Variants in MFSD8 observed in about 807,000 individuals in gnomAD.
MFSD8 encodes the protein major facilitator superfamily domain-containing protein 8.
In MFSD8, 55 loss-of-function variants were observed where a neutral mutation model predicts 66.4. That is an observed-to-expected ratio of 0.83 (90% CI 0.67 to 1.04). MFSD8 has a LOEUF of 1.04. MFSD8 is among the 50% of genes least tolerant of loss of function. MFSD8 has a pLI of 0.00. For synonymous variants in MFSD8, 202 were observed against 212.8 expected, an observed-to-expected ratio of 0.95 and a Z score of 0.44; for missense variants, 550 against 627.6, an observed-to-expected ratio of 0.88 and a Z score of 1.32.
rs752714009 is a variant in MFSD8 at position 127,965,138 on chromosome 4, A to T, written c.-5T>A. 2.5e-6 allele frequency: 4 copies of T among 1,613,784 alleles called. No homozygotes were observed. On this transcript the variant is annotated 5_prime_UTR_variant, in exon 1 of 12. Transcript: ENST00000641686. ...TTCGTTCCGCAGGCCGGCCATAGTTACACTCCCTACAAGGCGTCTTGCGCC... is the reference window on the plus strand; with the variant it reads ...TTCGTTCCGCAGGCCGGCCATAGTTTCACTCCCTACAAGGCGTCTTGCGCC...
At chr4:127,953,543 GTTTTTTTTTTTTTTTTT>G (rs952826538) in intron 2 of MFSD8, among the ~76,000 whole-genome samples, 4 of 67,044 alleles carry the variant, frequency 6.0e-5, no homozygotes, top group Non-Finnish European at 8.6e-5. Context: ...AAGGCATTCT[GTTTTTTTTTTTTTTTTT>G]TTTTTTTTTT....
chr4:127,957,210 A>T (rs1743032813), intron 2 of MFSD8, among the ~76,000 whole-genome samples: 1 of 152,218 alleles, frequency 6.6e-6, no homozygotes. Context: ...AGAATAGTCA[A>T]ATTCCAAGAA....
intron 1 of MFSD8, among the ~76,000 whole-genome samples, chr4:127,963,681 C>T (rs963350487): frequency 6.6e-6 from 1 of 152,154 alleles, no homozygotes; most frequent in African/African-American, 2.4e-5. Context: ...GTGAGTGTTA[C>T]GGCTCATAAA....
chr4:127,942,194 A>C, intron 4 of MFSD8, 36 bp from the exon 5 acceptor site: 1 of 1,490,548 alleles, frequency 6.7e-7, no homozygotes, highest in Non-Finnish European at 9.4e-7. Context: ...AAGTAAAAGA[A>C]AGTATCATTC....
chr4:127,947,580 A>G (rs1255299523), intron 3 of MFSD8, among the ~76,000 whole-genome samples: 1 of 150,824 alleles, frequency 6.6e-6, no homozygotes, highest in East Asian at 1.9e-4. Flanking sequence ...TCCATTGCAA[A>G]AAAAAAAAAA....
At chr4:127,965,428 C>G, upstream of MFSD8, 1 of 550,758 alleles carries the variant, frequency 1.8e-6, no homozygotes, top group Non-Finnish European at 3.3e-6. Context: ...CGCCCTGCTC[C>G]GGGTTTGTCT....
intron 9 of MFSD8, among the ~76,000 whole-genome samples, chr4:127,925,588 A>G (rs990532538): frequency 1.3e-5 from 2 of 152,218 alleles, no homozygotes; most frequent in African/African-American, 4.8e-5. Context: ...GTCGGGGAAC[A>G]ACAGATGCTG....
intron 6 of MFSD8, 47 bp downstream of exon 6, chr4:127,939,806 A>T: frequency 1.3e-6 from 2 of 1,560,232 alleles, no homozygotes; most frequent in Non-Finnish European, 1.8e-6. Context: ...AAAGCTCATT[A>T]AATTTCACAA....
chr4:127,964,819 G>C, intron 1 of MFSD8: 4 of 597,802 alleles, frequency 6.7e-6, no homozygotes, highest in Non-Finnish European at 1.2e-5. Flanking sequence ...TGCTGCAACA[G>C]GCAAAGCAGC....
Position 127,941,916 on chromosome 4 carries a change from T to TA in MFSD8, c.553+128dup, listed in dbSNP as rs199616927. On this transcript the variant is annotated intron_variant, in intron 5 of 11. Coordinates refer to ENST00000641686, the MANE Select transcript of MFSD8 (RefSeq NM_001371596.2). ...AATGAGTGTAGCCTCATTCCTGGATTAAAAAAAAAATTAGCTTTCCTCCCT... is the reference window on the plus strand; with the variant it reads ...AATGAGTGTAGCCTCATTCCTGGATTAAAAAAAAAAATTAGCTTTCCTCCCT... 8.8e-3 allele frequency: 6,030 copies of TA among 682,650 alleles called. 114 individuals carry two copies. The highest frequency in any genetic ancestry group is 0.069 in the African/African-American group (3,796 of 55,222). 42.3% of individuals were successfully genotyped at this position (682,650 alleles called of 1,614,324 possible).
At chr4:127,953,908 G>A (rs918229451) in intron 2 of MFSD8, among the ~76,000 whole-genome samples, 23 of 152,182 alleles carry the variant, frequency 1.5e-4, no homozygotes, top group African/African-American at 5.5e-4. Context: ...ACTTTGGCAA[G>A]TGAGAGAAAA....
At position 127,921,699 on chromosome 4, in the gene MFSD8, T is replaced by G; in HGVS notation, c.1175A>C (p.Glu392Ala). The G allele has an allele frequency of 6.2e-7, 1 of 1,614,186 alleles. No individual in the cohort carries two copies. The highest frequency in any genetic ancestry group is 8.5e-7 in the Non-Finnish European group (1 of 1,180,024). ...ACCAGTTGGTCTTTCATTGTCATCT[T>G]CCATTGGAGACTTCCAAAGACCAAT... ...IIIGLWKSPM[E>A]DDNERPTGCS... Residue 392 changes from glutamate to alanine, a missense_variant, in exon 11 of 12, where the codon GAA (glutamate) becomes GCA (alanine). By Grantham distance (107) the Glu-to-Ala change is moderately radical. Coordinates refer to ENST00000641686, the MANE Select transcript of MFSD8 (RefSeq NM_001371596.2).
At chr4:127,921,392 A>ATC in intron 11 of MFSD8, 132 bp downstream of exon 11, 2 of 1,465,514 alleles carry the variant, frequency 1.4e-6, no homozygotes, top group Non-Finnish European at 1.9e-6. Flanking sequence ...TGGGATTTTT[A>ATC]AAAATTTTAA....
intron 5 of MFSD8, among the ~76,000 whole-genome samples, chr4:127,940,806 A>G (rs1354686131): frequency 6.6e-6 from 1 of 151,968 alleles, no homozygotes; most frequent in Admixed American, 6.6e-5. Context: ...TAGATTCAAT[A>G]TGTGGCTCTA....
chr4:127,959,051 T>C (rs559911093), intron 1 of MFSD8, among the ~76,000 whole-genome samples: 2 of 152,312 alleles, frequency 1.3e-5, no homozygotes, highest in Non-Finnish European at 2.9e-5. Flanking sequence ...AATTGAAAGA[T>C]ATAGCAGTCA....
intron 8 of MFSD8, 77 bp from the exon 9 acceptor site, chr4:127,930,894 T>TGATACGTCTACC: frequency 7.7e-7 from 1 of 1,304,676 alleles, no homozygotes; most frequent in Non-Finnish European, 1.1e-6. Context: ...TAAGTTTTAA[T>TGATACGTCTACC]AACGACATCT....
At chr4:127,964,985 G>T in intron 1 of MFSD8, 87 bp downstream of exon 1, 4 of 1,501,330 alleles carry the variant, frequency 2.7e-6, no homozygotes, top group Non-Finnish European at 2.7e-6. Flanking sequence ...GGCAGCGAGG[G>T]TTTGTCCCAG....
At chr4:127,946,715 G>A (rs1741086248) in intron 3 of MFSD8, among the ~76,000 whole-genome samples, 1 of 152,066 alleles carries the variant, frequency 6.6e-6, no homozygotes, top group Non-Finnish European at 1.5e-5. Context: ...AGGAGTTTGA[G>A]ACCAGCCTGG....
chr4:127,938,427 C>T (rs1560743925), intron 7 of MFSD8, among the ~76,000 whole-genome samples: 2 of 151,554 alleles, frequency 1.3e-5, no homozygotes, highest in Admixed American at 6.6e-5. Flanking sequence ...ACTAAAAATA[C>T]AAAAAATTAG....
Sources: allele counts gnomAD v4.1 joint callset (sites outside exome capture counted in the v4.1 genomes callset), GRCh38; gene constraint gnomAD v4.1.1; transcripts MANE v1.5; gene names NCBI Gene and HGNC (gene_info 2026-07-23, HGNC 2026-07-21).